LILRB5: variants seen among roughly 807,000 people sequenced by gnomAD.
LILRB5 encodes the protein leukocyte immunoglobulin-like receptor subfamily B member 5.
Under a neutral mutation model 68.4 loss-of-function variants are expected in LILRB5, and 61 were observed. The ratio of observed to expected loss-of-function variants is 0.89; its 90% CI spans 0.73 to 1.10. The LOEUF (loss-of-function observed/expected upper bound fraction) is 1.10, where lower values mean the gene tolerates loss of function less well. Ranked by LOEUF, LILRB5 falls within the 50% of genes least tolerant of loss-of-function variation. The pLI is 0.00. For synonymous variants in LILRB5, 356 were observed against 315.8 expected (o/e 1.13, Z -1.35); for missense variants, 771 against 751.6 (o/e 1.03, Z -0.30).
In LILRB5 at chr19:54,255,277, G is replaced by C. The variant is rs754361885; in HGVS notation, c.952+9C>G. 6.2e-7 allele frequency: 1 copy of C among 1,612,098 alleles called. No individual in the cohort carries two copies. The highest frequency in any genetic ancestry group is 1.3e-5 in the African/African-American group (1 of 74,850). ...CTGGGTCCCTGACTGAACCCGCTGGGCTCCTCACCTGCGATCAGGATGTCC... is the reference window on the plus strand; with the variant it reads ...CTGGGTCCCTGACTGAACCCGCTGGCCTCCTCACCTGCGATCAGGATGTCC... On this transcript the variant is annotated intron_variant, in intron 5 of 12. Transcript: ENST00000449561.
chr19:54,252,276 C>A, intron 11 of LILRB5, 90 bp downstream of exon 11: 1 of 1,493,626 alleles, frequency 6.7e-7, no homozygotes, highest in Admixed American at 1.7e-5. Context: ...GGCCCCAGAC[C>A]CCCCCCAGCC....
In LILRB5 at chr19:54,256,669, G is replaced by A. The variant is rs766122588; in HGVS notation, c.175C>T (p.Arg59Cys). 1.7e-5 allele frequency: 27 copies of A among 1,614,020 alleles called. No homozygotes were observed. Among genetic ancestry groups the A allele is most frequent in the South Asian group, 4.4e-5 (4 of 91,084 alleles). The part of the protein sequence containing the change: ...CQGPLETEEY[R>C]LDKEGLPWAR... Reference sequence around the variant, plus strand: ...CATGGGAGTCCCTCCTTATCCAGACGGTACTCCTCAGTCTCCAGGGGCCCC... The same window carrying A: ...CATGGGAGTCCCTCCTTATCCAGACAGTACTCCTCAGTCTCCAGGGGCCCC... The change falls in exon 3 of 13, where the codon CGT becomes TGT. Residue 59 changes from arginine (R) to cysteine (C), a missense_variant. By Grantham distance (180) the Arg-to-Cys change is radical. Coordinates refer to ENST00000449561, the MANE Select transcript of LILRB5 (RefSeq NM_001081442.3).
In LILRB5 at chr19:54,250,040, A is replaced by AAACAG. The variant is rs2078897352; in HGVS notation, c.*745_*746insCTGTT. 6.6e-6 allele frequency: 1 copy of AAACAG among 152,572 alleles called. No homozygotes were observed. Among genetic ancestry groups the AAACAG allele is most frequent in the African/African-American group, 2.4e-5 (1 of 41,426 alleles). 9.5% of individuals were successfully genotyped at this position (152,572 alleles called of 1,614,324 possible). On this transcript the variant is annotated 3_prime_UTR_variant, in exon 13 of 13. Coordinates refer to ENST00000449561, the MANE Select transcript of LILRB5 (RefSeq NM_001081442.3). Reference sequence around the variant, plus strand: ...GAGCGAGACTCCGTCTCAAAAAACAAAACAAAACAAAACAAAAACCCTCAC... The same window carrying AAACAG: ...GAGCGAGACTCCGTCTCAAAAAACAAAACAGAACAAAACAAAACAAAAACCCTCAC...
intron 3 of LILRB5, 59 bp downstream of exon 3, chr19:54,256,430 G>T: frequency 6.2e-7 from 1 of 1,600,550 alleles, no homozygotes; most frequent in Non-Finnish European, 8.5e-7. Context: ...ACGTCCCTAA[G>T]AGCCGACCCT....
intron 4 of LILRB5, 59 bp downstream of exon 4, chr19:54,255,984 C>G (rs2079126869): frequency 1.4e-6 from 2 of 1,382,996 alleles, no homozygotes; most frequent in African/African-American, 1.4e-5. Context: ...ATCAACCAAA[C>G]TCCCAACAAC....
chr19:54,255,381 C>G lies in LILRB5; in HGVS notation c.857G>C (p.Ser286Thr). The part of the protein sequence containing the change: ...SQANFTLGPV[S>T]RSHGGQYRCY... ...TCTGTACTGGCCCCCGTGGGAGCGG[C>G]TCACAGGGCCCAGGGTGAAGTTGGC... Residue 286 changes from serine to threonine, a missense_variant, in exon 5 of 13, where the codon AGC becomes ACC. Coordinates refer to ENST00000449561, the MANE Select transcript of LILRB5 (RefSeq NM_001081442.3). The G allele has an allele frequency of 6.2e-7, 1 of 1,614,166 alleles. No individual in the cohort carries two copies.
chr19:54,254,435 G>C lies in LILRB5; in HGVS notation c.1256-20C>G. 4.4e-6 allele frequency: 7 copies of C among 1,574,246 alleles called. No individual in the cohort carries two copies. Among genetic ancestry groups the C allele is most frequent in the Non-Finnish European group, 6.0e-6 (7 of 1,160,200 alleles). ...AGGGTCCTGGGAATAAGCACAGAAAGGGAGCGAGGCGCTTTGGTGCTGAGT... is the reference window on the plus strand; with the variant it reads ...AGGGTCCTGGGAATAAGCACAGAAACGGAGCGAGGCGCTTTGGTGCTGAGT... On this transcript the variant is annotated intron_variant, in intron 6 of 12. Coordinates refer to ENST00000449561, the MANE Select transcript of LILRB5 (RefSeq NM_001081442.3).
chr19:54,255,945 T>C, intron 4 of LILRB5, 98 bp downstream of exon 4: 1 of 1,022,466 alleles, frequency 9.8e-7, no homozygotes, highest in Non-Finnish European at 1.4e-6. Context: ...CATCAACACA[T>C]CCTTCTGGGG....
chr19:54,256,638 C>T lies in LILRB5; in HGVS notation c.206G>A (p.Arg69Gln), dbSNP rs369202947. ...AGGCTCCAGTGGGTTCTGTCTCTTCCGGGCCCATGGGAGTCCCTCCTTATC... is the reference window on the plus strand; with the variant it reads ...AGGCTCCAGTGGGTTCTGTCTCTTCTGGGCCCATGGGAGTCCCTCCTTATC... ...RLDKEGLPWA[R>Q]KRQNPLEPGA... is the part of the protein sequence containing the mutation. Residue 69 changes from arginine (R) to glutamine (Q), a missense_variant, in exon 3 of 13, where the codon CGG (arginine) becomes CAG (glutamine). By Grantham distance (43) the Arg-to-Gln change is conservative. Transcript: ENST00000449561. 4.7e-5 allele frequency: 76 copies of T among 1,614,030 alleles called. No individual in the cohort carries two copies. The highest frequency in any genetic ancestry group is 3.3e-4 in the Middle Eastern group (2 of 6,084).
intron 7 of LILRB5, 116 bp downstream of exon 7, chr19:54,254,249 T>A (rs2079047851): frequency 6.9e-7 from 1 of 1,458,252 alleles, no homozygotes; most frequent in Non-Finnish European, 9.2e-7. Flanking sequence ...TCTGCCCAGC[T>A]CCCTGGAGGG....
intron 11 of LILRB5, 99 bp downstream of exon 11, chr19:54,252,260 CCCCTTGG>C: frequency 1.4e-6 from 2 of 1,428,042 alleles, no homozygotes; most frequent in Non-Finnish European, 9.8e-7. Flanking sequence ...AGACCGCCTC[CCCCTTGG>C]CCCCAGACCC....
At chr19:54,255,178 C>T in intron 5 of LILRB5, 108 bp downstream of exon 5, 1 of 1,508,494 alleles carries the variant, frequency 6.6e-7, no homozygotes, top group Non-Finnish European at 8.9e-7. Flanking sequence ...CTGTCTCTCC[C>T]TCCCTTGGGA....
At chr19:54,254,587 T>TC in intron 6 of LILRB5, 148 bp downstream of exon 6, 3 of 1,245,938 alleles carry the variant, frequency 2.4e-6, no homozygotes, top group Non-Finnish European at 3.4e-6. Context: ...GTTGTCCTCC[T>TC]CCCCTCTGAG....
At chr19:54,253,370 G>A in intron 8 of LILRB5, 1 of 195,568 alleles carries the variant, frequency 5.1e-6, no homozygotes, top group Non-Finnish European at 1.1e-5. Flanking sequence ...CTGGGAGAGG[G>A]AGTGGGTTGT....
Position 54,250,828 on chromosome 19 carries a change from A to G in LILRB5, c.1734T>C (p.Pro578=), listed in dbSNP as rs775490652. 19 of 1,613,862 alleles carry G rather than the reference A, an allele frequency of 1.2e-5. No individual in the cohort carries two copies. Among genetic ancestry groups the G allele is most frequent in the African/African-American group, 9.4e-5 (7 of 74,838 alleles). The change falls in exon 13 of 13, where the codon CCT becomes CCC. Residue 578 remains proline (P), a synonymous_variant. Coordinates refer to ENST00000449561, the MANE Select transcript of LILRB5 (RefSeq NM_001081442.3). The part of the protein sequence containing the change: ...TEPPPSQERE[P]PAEPSIYAPL... ...GGGCGTAGATGCTGGGTTCAGCTGGAGGTTCCCTTTCCTGGGATGGAGGAG... is the reference window on the plus strand; with the variant it reads ...GGGCGTAGATGCTGGGTTCAGCTGGGGGTTCCCTTTCCTGGGATGGAGGAG...
Position 54,254,131 on chromosome 19 carries a change from C to T in LILRB5, c.1307-63G>A. ...TGCTCCCCACATCAGCCCGGCTGCT[C>T]CTCCCCCAGGCTGGGCCCCAACACC... On this transcript the variant is annotated intron_variant, in intron 7 of 12. Coordinates refer to ENST00000449561, the MANE Select transcript of LILRB5 (RefSeq NM_001081442.3). The T allele has an allele frequency of 3.2e-6, 5 of 1,554,522 alleles. No individual in the cohort carries two copies. The South Asian group carries it at 4.7e-5, about 15-fold the overall frequency.
chr19:54,256,943 A>G lies in LILRB5; in HGVS notation c.70+18T>C. On this transcript the variant is annotated intron_variant, in intron 2 of 12. Coordinates refer to ENST00000449561, the MANE Select transcript of LILRB5 (RefSeq NM_001081442.3). ...CCAGTGAGAAGAAGGGACCTGGGACAGCTGGGGACAGACTCACCTGCCTGC... is the reference window on the plus strand; with the variant it reads ...CCAGTGAGAAGAAGGGACCTGGGACGGCTGGGGACAGACTCACCTGCCTGC... 6.2e-7 allele frequency: 1 copy of G among 1,614,190 alleles called. No homozygotes were observed. The highest frequency in any genetic ancestry group is 8.5e-7 in the Non-Finnish European group (1 of 1,180,012).
At chr19:54,257,120 T>G in intron 1 of LILRB5, 40 bp downstream of exon 1, 1 of 1,614,092 alleles carries the variant, frequency 6.2e-7, no homozygotes, top group South Asian at 1.1e-5. Flanking sequence ...GTGAGCTCCC[T>G]CCAAGACGGG....
At position 54,256,985 on chromosome 19, in the gene LILRB5, CCA is replaced by C; in HGVS notation, c.44_45del (p.Val15GlyfsTer19). On this transcript the variant is annotated frameshift_variant, in exon 2 of 13. Coordinates refer to ENST00000449561, the MANE Select transcript of LILRB5 (RefSeq NM_001081442.3). LOFTEE classifies it high-confidence loss of function. Reference protein sequence around the residue: ...LSVLICLGLSVGPRTCVQAGT... With the variant: ...LSVLICLGLSXGPRTCVQAGT... ...CCTGCCTGCACGCAGGTCCTGGGGC[CCA>C]CACTCAGCCCTGGAAGAGAGTTCCC... 6.2e-7 allele frequency: 1 copy of C among 1,614,208 alleles called. No homozygotes were observed. Among genetic ancestry groups the C allele is most frequent in the Non-Finnish European group, 8.5e-7 (1 of 1,180,034 alleles).
Sources: allele counts gnomAD v4.1 joint callset, GRCh38; gene constraint gnomAD v4.1.1; transcripts MANE v1.5; gene names NCBI Gene and HGNC (gene_info 2026-07-23, HGNC 2026-07-21).